The following DOK5 variants were observed in gnomAD, a reference collection of about 807,000 sequenced individuals.
The protein encoded by DOK5 is docking protein 5.
Under a neutral mutation model 43.3 loss-of-function variants are expected in DOK5, and 27 were observed. The observed-to-expected ratio is 0.62, with a 90% confidence interval of 0.46 to 0.86. DOK5 has a LOEUF of 0.86. DOK5 is among the 40% of genes least tolerant of loss of function. The pLI, the probability that DOK5 is intolerant of heterozygous loss-of-function variation, is 0.00. For synonymous variants in DOK5, 146 were observed against 140.1 expected, an observed-to-expected ratio of 1.04 and a Z score of -0.30; for missense variants, 373 against 392.9, an observed-to-expected ratio of 0.95 and a Z score of 0.43.
At position 54,526,493 on chromosome 20, in the gene DOK5, G is replaced by C. The variant is rs114466936; in HGVS notation, c.67-28440G>C. On this transcript the variant is annotated intron_variant, in intron 1 of 7. Coordinates refer to ENST00000262593, the MANE Select transcript of DOK5 (RefSeq NM_018431.5). ...CAAGTCTGATGTTAAAGAACATTAG[G>C]AGTTGTGATTGTCTTCTTAGGACCC... Among the ~76,000 whole-genome samples, 255 of 152,322 alleles carry C rather than the reference G, an allele frequency of 1.7e-3. 3 individuals are homozygous for C. Among genetic ancestry groups the C allele is most frequent in the African/African-American group, 5.8e-3 (242 of 41,590 alleles).
intron 5 of DOK5, among the ~76,000 whole-genome samples, chr20:54,602,775 A>C (rs559231577): frequency 5.5e-4 from 83 of 152,200 alleles, no homozygotes; most frequent in African/African-American, 1.9e-3. Flanking sequence ...CCCGGGTTCA[A>C]GCAATTCCTT....
chr20:54,521,496 A>G (rs942128319), intron 1 of DOK5, among the ~76,000 whole-genome samples: 1 of 152,130 alleles, frequency 6.6e-6, no homozygotes, highest in Admixed American at 6.6e-5. Flanking sequence ...TATTTACTGG[A>G]TTATTATAAA....
chr20:54,476,382 A>G (rs1469628256), intron 1 of DOK5, among the ~76,000 whole-genome samples: 2 of 152,076 alleles, frequency 1.3e-5, no homozygotes, highest in African/African-American at 2.4e-5. Flanking sequence ...CTCGCCGCCA[A>G]CTTAACTTTT....
intron 1 of DOK5, among the ~76,000 whole-genome samples, chr20:54,539,409 G>T (rs1390264519): frequency 6.6e-6 from 1 of 150,774 alleles, no homozygotes; most frequent in African/African-American, 2.4e-5. Flanking sequence ...AAATTTTTCT[G>T]AATCCTGCCT....
At chr20:54,583,454 C>G (rs1985700756) in intron 2 of DOK5, among the ~76,000 whole-genome samples, 1 of 152,096 alleles carries the variant, frequency 6.6e-6, no homozygotes, top group Admixed American at 6.6e-5. Flanking sequence ...TTTGGATGTC[C>G]TATCCATTAT....
intron 2 of DOK5, 31 bp downstream of exon 2, chr20:54,555,071 A>G: frequency 6.8e-7 from 1 of 1,469,600 alleles, no homozygotes; most frequent in Non-Finnish European, 9.5e-7. Context: ...CTTTCCAGTA[A>G]TCTATTTACA....
At chr20:54,596,221 G>A (rs1204639061) in intron 5 of DOK5, among the ~76,000 whole-genome samples, 1 of 152,198 alleles carries the variant, frequency 6.6e-6, no homozygotes, top group African/African-American at 2.4e-5. Flanking sequence ...GTGAAGATAA[G>A]TTTTTTCCTT....
chr20:54,509,187 T>C (rs1268643500), intron 1 of DOK5, among the ~76,000 whole-genome samples: 1 of 152,122 alleles, frequency 6.6e-6, no homozygotes, highest in Non-Finnish European at 1.5e-5. Context: ...AATTTTTAAT[T>C]TTAATTTTAA....
At chr20:54,510,500 G>A (rs1438677535) in intron 1 of DOK5, among the ~76,000 whole-genome samples, 1 of 152,140 alleles carries the variant, frequency 6.6e-6, no homozygotes, top group Non-Finnish European at 1.5e-5. Context: ...AGCCAGGCAT[G>A]TATACTCAGA....
intron 1 of DOK5, among the ~76,000 whole-genome samples, chr20:54,527,785 T>G (rs1267138789): frequency 6.6e-6 from 1 of 152,178 alleles, no homozygotes; most frequent in African/African-American, 2.4e-5. Flanking sequence ...GTGTATGCAT[T>G]AGAAAAAAAT....
intron 1 of DOK5, among the ~76,000 whole-genome samples, chr20:54,490,140 A>G (rs1257795127): frequency 1.3e-5 from 2 of 152,140 alleles, no homozygotes; most frequent in African/African-American, 4.8e-5. Flanking sequence ...AAAAGTAGTT[A>G]TTTAGTGAGC....
chr20:54,599,263 A>C (rs931023673), intron 5 of DOK5, among the ~76,000 whole-genome samples: 1 of 152,234 alleles, frequency 6.6e-6, no homozygotes, highest in Non-Finnish European at 1.5e-5. Context: ...AGGAGAAGTA[A>C]AGTCCTCTTC....
At position 54,650,462 on chromosome 20, in the gene DOK5, T is replaced by C; in HGVS notation, c.904T>C (p.Tyr302His). Residue 302 changes from tyrosine to histidine, a missense_variant, in exon 8 of 8, where the codon TAC becomes CAC. Tyr to His is a moderately conservative substitution (Grantham distance 83, BLOSUM62 2). Transcript: ENST00000262593. ...KLHRTETFPAYRSEH is the reference protein window; with the variant it reads ...KLHRTETFPAHRSEH ...TCATCGAACAGAGACTTTTCCAGCCTACAGATCTGAGCACTGACAGTAACT... is the reference window on the plus strand; with the variant it reads ...TCATCGAACAGAGACTTTTCCAGCCCACAGATCTGAGCACTGACAGTAACT... 6.2e-7 allele frequency: 1 copy of C among 1,614,068 alleles called. No individual in the cohort carries two copies. The highest frequency in any genetic ancestry group is 8.5e-7 in the Non-Finnish European group (1 of 1,180,000).
chr20:54,487,104 A>G (rs1568749655), intron 1 of DOK5, among the ~76,000 whole-genome samples: 1 of 152,344 alleles, frequency 6.6e-6, no homozygotes, highest in East Asian at 1.9e-4. Flanking sequence ...CTTTGATTAT[A>G]AGACTGGCCA....
At chr20:54,505,532 T>C (rs1353970093) in intron 1 of DOK5, among the ~76,000 whole-genome samples, 1 of 151,980 alleles carries the variant, frequency 6.6e-6, no homozygotes, top group Non-Finnish European at 1.5e-5. Context: ...CCTGCCCTCA[T>C]GGAGCTTACA....
intron 2 of DOK5, among the ~76,000 whole-genome samples, chr20:54,562,146 A>C (rs983193032): frequency 1.3e-5 from 2 of 152,186 alleles, no homozygotes; most frequent in African/African-American, 4.8e-5. Flanking sequence ...ACCATGCTTT[A>C]TTCATCTTTG....
intron 6 of DOK5, among the ~76,000 whole-genome samples, chr20:54,622,418 T>C (rs1265852730): frequency 6.6e-6 from 1 of 152,106 alleles, no homozygotes; most frequent in Non-Finnish European, 1.5e-5. Flanking sequence ...TATAACAACG[T>C]AATAACTTGC....
rs559768813 is a variant in DOK5 at position 54,527,954 on chromosome 20, C to T, written c.67-26979C>T. On this transcript the variant is annotated intron_variant, in intron 1 of 7. Transcript: ENST00000262593. ...GGGCGTGGTGGCTCATGCCCGTAAT[C>T]CCAGCATTTTGGGAGGCTGAGATGG... Among the ~76,000 whole-genome samples the T allele has an allele frequency of 1.1e-4, 16 of 152,280 alleles. No individual in the cohort carries two copies. The South Asian group carries it at 1.9e-3, about 18-fold the overall frequency.
intron 5 of DOK5, among the ~76,000 whole-genome samples, chr20:54,595,951 G>A (rs1986128745): frequency 1.3e-5 from 2 of 152,186 alleles, no homozygotes; most frequent in South Asian, 2.1e-4. Context: ...TGTAGGTAAA[G>A]GCAGAAATGC....
Sources: allele counts gnomAD v4.1 joint callset (sites outside exome capture counted in the v4.1 genomes callset), GRCh38; gene constraint gnomAD v4.1.1; transcripts MANE v1.5; gene names NCBI Gene and HGNC (gene_info 2026-07-23, HGNC 2026-07-21).